The following FAF1 variants were observed in gnomAD, a reference collection of about 807,000 sequenced individuals.
FAF1 encodes Fas associated factor 1, also known as FAS-associated factor 1.
In FAF1, 25 loss-of-function variants were observed where a neutral mutation model predicts 92.5. The observed-to-expected ratio is 0.27, with a 90% CI of 0.20 to 0.38. The LOEUF is 0.38. Ranked by LOEUF, FAF1 falls within the 10% of genes least tolerant of loss-of-function variation. The pLI is 1.00. For missense variants in FAF1, 636 were observed against 793.3 expected, an observed-to-expected ratio of 0.80 and a Z score of 2.38; for synonymous variants, 234 against 273.2, an observed-to-expected ratio of 0.86 and a Z score of 1.42.
intron 9 of FAF1, among the ~76,000 whole-genome samples, chr1:50,586,534 T>C (rs1413860977): frequency 6.6e-6 from 1 of 152,182 alleles, no homozygotes; most frequent in Non-Finnish European, 1.5e-5. Flanking sequence ...TTCTAATGCT[T>C]TGAATAGACA....
At chr1:50,641,946 T>C (rs1654351491) in intron 8 of FAF1, among the ~76,000 whole-genome samples, 1 of 152,174 alleles carries the variant, frequency 6.6e-6, no homozygotes, top group Admixed American at 6.5e-5. Flanking sequence ...CTCATGCTTG[T>C]AATCCTAGCA....
intron 15 of FAF1, among the ~76,000 whole-genome samples, chr1:50,516,512 C>T (rs187331513): frequency 4.3e-4 from 65 of 152,254 alleles, no homozygotes; most frequent in African/African-American, 1.4e-3. Context: ...ATACCAAGCA[C>T]GCATTTTACC....
At chr1:50,838,558 A>T (rs112753768) in intron 2 of FAF1, among the ~76,000 whole-genome samples, 2 of 88,580 alleles carry the variant, frequency 2.3e-5, no homozygotes, top group African/African-American at 3.5e-5. Flanking sequence ...ATAAATTAAA[A>T]ATATATATAT....
chr1:50,769,687 C>CA (rs1660708123), intron 4 of FAF1, among the ~76,000 whole-genome samples: 1 of 152,134 alleles, frequency 6.6e-6, no homozygotes, highest in South Asian at 2.1e-4. Context: ...GAACTATAAG[C>CA]AAAAACCACA....
chr1:50,738,420 G>A (rs947381944), intron 6 of FAF1, among the ~76,000 whole-genome samples: 7 of 135,512 alleles, frequency 5.2e-5, no homozygotes, highest in Non-Finnish European at 1.1e-4. Flanking sequence ...CTCAGTCTGG[G>A]CAACAAGAGT....
chr1:50,488,569 A>G (rs1646793537), intron 17 of FAF1, among the ~76,000 whole-genome samples: 2 of 152,234 alleles, frequency 1.3e-5, no homozygotes, highest in Admixed American at 1.3e-4. Context: ...GCCTAAAAGG[A>G]TAGTGACTAA....
At chr1:50,749,648 C>T (rs1464108408) in intron 4 of FAF1, among the ~76,000 whole-genome samples, 1 of 152,084 alleles carries the variant, frequency 6.6e-6, no homozygotes, top group Non-Finnish European at 1.5e-5. Flanking sequence ...ATTAGCTAGG[C>T]ATGGTGGTAC....
chr1:50,926,310 TTA>T (rs1645005875), intron 1 of FAF1, among the ~76,000 whole-genome samples: 1 of 152,124 alleles, frequency 6.6e-6, no homozygotes, highest in African/African-American at 2.4e-5. Context: ...GGATACTATG[TTA>T]AACTAAATAA....
At chr1:50,662,683 CTTTTTTTTT>C (rs58193277) in intron 7 of FAF1, among the ~76,000 whole-genome samples, 14 of 77,576 alleles carry the variant, frequency 1.8e-4, no homozygotes, top group Non-Finnish European at 3.0e-4. Context: ...GAATTTGTAT[CTTTTTTTTT>C]TTTTTTTTTT....
intron 3 of FAF1, among the ~76,000 whole-genome samples, chr1:50,791,312 A>T (rs1661555588): frequency 6.6e-6 from 1 of 152,220 alleles, no homozygotes; most frequent in African/African-American, 2.4e-5. Context: ...CCTAAGAAAA[A>T]GCTAGTCACT....
At chr1:50,858,043 G>A (rs1644403910) in intron 1 of FAF1, 46 bp from the exon 2 acceptor site, 2 of 1,383,314 alleles carry the variant, frequency 1.4e-6, no homozygotes, top group East Asian at 2.3e-5. Flanking sequence ...TTTAGAAATA[G>A]GGAGGTAAAT....
At chr1:50,574,782 T>C (rs998301549) in intron 12 of FAF1, among the ~76,000 whole-genome samples, 3 of 151,924 alleles carry the variant, frequency 2.0e-5, no homozygotes, top group Non-Finnish European at 2.9e-5. Flanking sequence ...TTTATGGGTA[T>C]ACATGTTCAG....
chr1:50,481,660 A>G (rs1024656298), intron 17 of FAF1, among the ~76,000 whole-genome samples: 4 of 152,166 alleles, frequency 2.6e-5, no homozygotes, highest in Non-Finnish European at 5.9e-5. Context: ...ATTTTTCACA[A>G]AGTGGTGAGT....
chr1:50,657,794 ACT>A (rs1655192551), intron 7 of FAF1, among the ~76,000 whole-genome samples: 1 of 152,132 alleles, frequency 6.6e-6, no homozygotes, highest in Admixed American at 6.5e-5. Context: ...CACAGAACTC[ACT>A]CTATTTTTAT....
intron 1 of FAF1, among the ~76,000 whole-genome samples, chr1:50,888,428 G>A (rs1343240653): frequency 1.3e-5 from 2 of 152,326 alleles, no homozygotes; most frequent in Non-Finnish European, 2.9e-5. Flanking sequence ...AAGAAGTGGT[G>A]AGAGAGGGCA....
intron 2 of FAF1, among the ~76,000 whole-genome samples, chr1:50,835,916 C>A (rs1202719220): frequency 6.6e-6 from 1 of 152,014 alleles, no homozygotes; most frequent in Non-Finnish European, 1.5e-5. Flanking sequence ...TGGTACACTG[C>A]ATTTAAAATA....
intron 2 of FAF1, among the ~76,000 whole-genome samples, chr1:50,845,951 C>T (rs781179546): frequency 2.0e-5 from 3 of 151,866 alleles, no homozygotes; most frequent in Non-Finnish European, 4.4e-5. Flanking sequence ...GAGGAAACCC[C>T]GTCTCTACTA....
At chr1:50,917,652 AGG>A (rs1644929364) in intron 1 of FAF1, among the ~76,000 whole-genome samples, 1 of 141,078 alleles carries the variant, frequency 7.1e-6, no homozygotes, top group Admixed American at 7.0e-5. Flanking sequence ...AGGAAAGGAA[AGG>A]AAAGGAAAGG....
At chr1:50,889,883 G>T (rs968693046) in intron 1 of FAF1, among the ~76,000 whole-genome samples, 1 of 152,128 alleles carries the variant, frequency 6.6e-6, no homozygotes, top group African/African-American at 2.4e-5. Context: ...TATTAGGTCC[G>T]CTTGATGCAG....
Sources: gnomAD v4.1 joint callset for allele counts (sites outside exome capture counted in the v4.1 genomes callset) on GRCh38, gnomAD v4.1.1 for gene constraint, MANE v1.5 for transcripts, NCBI Gene and HGNC (gene_info 2026-07-23, HGNC 2026-07-21) for gene names.